Variants in SCN10A observed in about 807,000 individuals in gnomAD.
SCN10A encodes sodium voltage-gated channel alpha subunit 10.
In SCN10A, 162 loss-of-function variants were observed where a neutral mutation model predicts 170.7. The ratio of observed to expected loss-of-function variants is 0.95; its 90% CI spans 0.84 to 1.08. SCN10A has a LOEUF of 1.08. Ranked by LOEUF, SCN10A falls within the 50% of genes least tolerant of loss-of-function variation. The probability of loss-of-function intolerance (pLI) is 0.00; values close to 1 mark genes in which losing one functional copy is unlikely to be tolerated. For synonymous variants in SCN10A, 985 were observed against 904.6 expected (o/e 1.09, Z -1.59); for missense variants, 2,527 against 2,436.9 (o/e 1.04, Z -0.78).
intron 18 of SCN10A, among the ~76,000 whole-genome samples, chr3:38,724,149 A>C (rs976770150): frequency 1.3e-5 from 2 of 152,230 alleles, no homozygotes; most frequent in Admixed American, 1.3e-4. Flanking sequence ...GCCCTCACCC[A>C]GTGGGAACCA....
chr3:38,797,752 G>T (rs1248429437), intron 1 of SCN10A, among the ~76,000 whole-genome samples: 1 of 152,202 alleles, frequency 6.6e-6, no homozygotes, highest in African/African-American at 2.4e-5. Flanking sequence ...TTCTCTCAGT[G>T]ACACTGGAAT....
intron 20 of SCN10A, among the ~76,000 whole-genome samples, chr3:38,721,105 A>T (rs1356657058): frequency 6.6e-6 from 1 of 152,106 alleles, no homozygotes; most frequent in African/African-American, 2.4e-5. Context: ...CACCTCTCAG[A>T]TCCTGCCTCG....
chr3:38,789,342 G>T (rs1203527230), intron 3 of SCN10A, among the ~76,000 whole-genome samples: 1 of 152,124 alleles, frequency 6.6e-6, no homozygotes. Context: ...CAACCATGCT[G>T]CAGAGATGTG....
In SCN10A at chr3:38,738,634, A is replaced by C. The variant is rs115176845; in HGVS notation, c.2280+881T>G. Among the ~76,000 whole-genome samples, 684 of 152,258 alleles carry C rather than the reference A, an allele frequency of 4.5e-3. 8 individuals are homozygous for C. Among genetic ancestry groups the C allele is most frequent in the African/African-American group, 0.015 (640 of 41,544 alleles). On this transcript the variant is annotated intron_variant, in intron 15 of 27. Coordinates refer to ENST00000449082, the MANE Select transcript of SCN10A (RefSeq NM_006514.4). Reference sequence around the variant, plus strand: ...GATGCAGGGCTCCCAGTTAATACTGAGAGATTCCTGAGAGCAGGCGGCCTG... The same window carrying C: ...GATGCAGGGCTCCCAGTTAATACTGCGAGATTCCTGAGAGCAGGCGGCCTG...
intron 4 of SCN10A, among the ~76,000 whole-genome samples, chr3:38,788,623 G>A (rs550639468): frequency 2.0e-5 from 3 of 151,002 alleles, no homozygotes; most frequent in Non-Finnish European, 3.0e-5. Context: ...TGTGTGTTGG[G>A]GGGGGGTGGG....
chr3:38,730,068 G>T (rs912903666), intron 15 of SCN10A, among the ~76,000 whole-genome samples: 1 of 152,184 alleles, frequency 6.6e-6, no homozygotes, highest in Admixed American at 6.5e-5. Flanking sequence ...CTGAGCATTA[G>T]TAACTAGTAT....
intron 4 of SCN10A, among the ~76,000 whole-genome samples, chr3:38,782,165 A>C (rs2064146086): frequency 6.6e-6 from 1 of 152,086 alleles, no homozygotes; most frequent in African/African-American, 2.4e-5. Context: ...TGTCAACTTT[A>C]AATAATACTC....
intron 18 of SCN10A, 26 bp downstream of exon 18, chr3:38,725,148 C>T: frequency 6.4e-7 from 1 of 1,556,156 alleles, no homozygotes; most frequent in Non-Finnish European, 8.8e-7. Context: ...GGCTGTCCAA[C>T]CTCTCCAGGA....
intron 1 of SCN10A, among the ~76,000 whole-genome samples, chr3:38,815,460 T>C (rs2064468828): frequency 6.6e-6 from 1 of 152,206 alleles, no homozygotes; most frequent in Admixed American, 6.5e-5. Context: ...TCCACTTTAT[T>C]CTGATGTGTG....
At chr3:38,719,921 C>G (rs2063372848) in intron 20 of SCN10A, among the ~76,000 whole-genome samples, 2 of 152,232 alleles carry the variant, frequency 1.3e-5, no homozygotes, top group African/African-American at 2.4e-5. Flanking sequence ...GCAGACACCC[C>G]CTTCCTGATG....
chr3:38,793,864 CTCT>C lies in SCN10A; in HGVS notation c.144_146del (p.Glu49del). 6.2e-7 allele frequency: 1 copy of C among 1,614,084 alleles called. No homozygotes were observed. The highest frequency in any genetic ancestry group is 8.5e-7 in the Non-Finnish European group (1 of 1,179,976). On this transcript the variant is annotated inframe_deletion, in exon 2 of 28. Coordinates refer to ENST00000449082, the MANE Select transcript of SCN10A (RefSeq NM_006514.4). ...TCAAGTCCAGCTGGGGCCGAGGCTT[CTCT>C]TCTTGGTCCTTCTGCTCCCTATGCT...
At position 38,728,803 on chromosome 3, in the gene SCN10A, G is replaced by C; in HGVS notation, c.2379C>G (p.Ile793Met). Residue 793 changes from isoleucine (I) to methionine (M), a missense_variant, in exon 16 of 28, where the codon ATC (isoleucine) becomes ATG (methionine). Physicochemically the swap from Ile to Met is conservative, Grantham distance 10. Coordinates refer to ENST00000449082, the MANE Select transcript of SCN10A (RefSeq NM_006514.4). ...CAAAGACAAAGACAATGATGGCCAG[G>C]ATGATGGTGAGGTTCCCCAGTGCCC... ...SVGALGNLTI[I>M]LAIIVFVFAL... 1.2e-6 allele frequency: 2 copies of C among 1,614,178 alleles called. No individual in the cohort carries two copies. The highest frequency in any genetic ancestry group is 1.7e-6 in the Non-Finnish European group (2 of 1,180,036).
At chr3:38,787,669 T>C (rs2064223883) in intron 4 of SCN10A, among the ~76,000 whole-genome samples, 1 of 151,726 alleles carries the variant, frequency 6.6e-6, no homozygotes, top group Non-Finnish European at 1.5e-5. Flanking sequence ...AGTGATGCAA[T>C]CCCCTTTTTA....
In SCN10A at chr3:38,750,114, C is replaced by G; in HGVS notation, c.1826G>C (p.Arg609Thr). ...TATGATACTGACAACACTCATTGCC[C>G]TTTGGGCCCGGAAAGGTTCATCTAA... ...EYLDEPFRAQ[R>T]AMSVVSIITS... The change falls in exon 13 of 28, where the codon AGG (arginine) becomes ACG (threonine). Residue 609 changes from arginine (R) to threonine (T), a missense_variant. Physicochemically the swap from Arg to Thr is moderately conservative, Grantham distance 71 (BLOSUM62 -1). Coordinates refer to ENST00000449082, the MANE Select transcript of SCN10A (RefSeq NM_006514.4). 2.5e-6 allele frequency: 4 copies of G among 1,613,076 alleles called. No individual in the cohort carries two copies. The highest frequency in any genetic ancestry group is 3.4e-6 in the Non-Finnish European group (4 of 1,179,370).
At chr3:38,770,380 G>A (rs2063984590) in intron 5 of SCN10A, among the ~76,000 whole-genome samples, 1 of 152,168 alleles carries the variant, frequency 6.6e-6, no homozygotes, top group Non-Finnish European at 1.5e-5. Flanking sequence ...GGTGGGGGCA[G>A]GGGTAGGTGA....
chr3:38,803,544 G>A (rs1238998648), intron 1 of SCN10A, among the ~76,000 whole-genome samples: 3 of 151,064 alleles, frequency 2.0e-5, no homozygotes, highest in African/African-American at 4.9e-5. Flanking sequence ...GCAAACTATC[G>A]CAAGGACAAA....
At chr3:38,714,435 A>T (rs1293974907) in intron 21 of SCN10A, among the ~76,000 whole-genome samples, 1 of 152,118 alleles carries the variant, frequency 6.6e-6, no homozygotes, top group Non-Finnish European at 1.5e-5. Flanking sequence ...ATTTTCAGAG[A>T]CTTGGAGACA....
intron 20 of SCN10A, among the ~76,000 whole-genome samples, chr3:38,720,220 T>C (rs1213940989): frequency 6.6e-6 from 1 of 152,238 alleles, no homozygotes; most frequent in Non-Finnish European, 1.5e-5. Flanking sequence ...ACAGGGAATA[T>C]TCAATGTGTA....
intron 27 of SCN10A, among the ~76,000 whole-genome samples, chr3:38,699,842 G>A (rs901382057): frequency 6.6e-6 from 1 of 152,126 alleles, no homozygotes. Flanking sequence ...CCTCTTGTTG[G>A]TGGGAAAGAA....
Sources: gnomAD v4.1 joint callset for allele counts (sites outside exome capture counted in the v4.1 genomes callset) on GRCh38, gnomAD v4.1.1 for gene constraint, MANE v1.5 for transcripts, NCBI Gene and HGNC (gene_info 2026-07-23, HGNC 2026-07-21) for gene names.